CDK14: variants seen among roughly 807,000 people sequenced by gnomAD.
The protein encoded by CDK14 is cyclin dependent kinase 14.
A neutral mutation model predicts 60.7 loss-of-function variants in CDK14; 34 were observed. The ratio of observed to expected loss-of-function variants is 0.56; its 90% CI spans 0.43 to 0.75. The LOEUF is 0.75. CDK14 is among the 30% of genes least tolerant of loss of function. CDK14 has a pLI of 0.00. For synonymous variants in CDK14, 197 were observed against 203.7 expected (o/e 0.97, Z 0.28); for missense variants, 482 against 564.1 (o/e 0.85, Z 1.47).
At chr7:91,098,003 A>G (rs1233959820) in intron 12 of CDK14, among the ~76,000 whole-genome samples, 1 of 151,900 alleles carries the variant, frequency 6.6e-6, no homozygotes, top group East Asian at 1.9e-4. Flanking sequence ...CAGATAGGAA[A>G]CTCCTTGTAG....
At position 90,706,252 on chromosome 7, in the gene CDK14, C is replaced by T. The variant is rs527644456; in HGVS notation, c.124-20315C>T. 3.7e-4 allele frequency among the ~76,000 whole-genome samples: 56 copies of T among 152,310 alleles called. No homozygotes were observed. In the South Asian group the frequency reaches 0.011, roughly 29 times the overall value. On this transcript the variant is annotated intron_variant, in intron 2 of 14. Transcript: ENST00000380050. ...GTATGACATAATGATTAATTTCCTG[C>T]AGCTTTGCGCTCTCCCTGCTCTCTT...
At chr7:90,866,916 G>A (rs569548544) in intron 6 of CDK14, among the ~76,000 whole-genome samples, 27 of 152,216 alleles carry the variant, frequency 1.8e-4, no homozygotes, top group Admixed American at 5.2e-4. Context: ...AAAGTGTTCT[G>A]TAATTTAGAT....
At chr7:90,735,716 G>T (rs559242859) in intron 3 of CDK14, among the ~76,000 whole-genome samples, 1 of 152,150 alleles carries the variant, frequency 6.6e-6, no homozygotes, top group Non-Finnish European at 1.5e-5. Flanking sequence ...ACACTGCTAC[G>T]CTGGCAGCGA....
intron 11 of CDK14, among the ~76,000 whole-genome samples, chr7:91,061,783 G>A (rs1271994821): frequency 1.3e-5 from 2 of 152,150 alleles, no homozygotes; most frequent in Admixed American, 6.6e-5. Context: ...AGGAGTACCC[G>A]GCCTTGTGAG....
chr7:90,742,043 A>G (rs963726347), intron 3 of CDK14, among the ~76,000 whole-genome samples: 27 of 152,170 alleles, frequency 1.8e-4, no homozygotes, highest in African/African-American at 5.1e-4. Context: ...GCAGAAATTA[A>G]TTTTTAAAAT....
intron 11 of CDK14, among the ~76,000 whole-genome samples, chr7:91,049,043 AT>A (rs35843929): frequency 5.3e-4 from 79 of 148,190 alleles, no homozygotes; most frequent in South Asian, 2.2e-3. Context: ...ATGTCTGGCT[AT>A]TTTTTTTTTT....
intron 8 of CDK14, among the ~76,000 whole-genome samples, chr7:90,934,189 C>T (rs138241653): frequency 1.3e-5 from 2 of 152,364 alleles, no homozygotes; most frequent in Non-Finnish European, 2.9e-5. Flanking sequence ...ATGTGTTTCT[C>T]TGGCCTCCTA....
At chr7:90,710,857 A>G (rs1802033576) in intron 2 of CDK14, among the ~76,000 whole-genome samples, 1 of 152,086 alleles carries the variant, frequency 6.6e-6, no homozygotes, top group Non-Finnish European at 1.5e-5. Flanking sequence ...CAGTTGACAT[A>G]TTTGATGTGG....
chr7:90,800,041 G>A (rs1788578737), intron 5 of CDK14, among the ~76,000 whole-genome samples: 1 of 152,040 alleles, frequency 6.6e-6, no homozygotes, highest in South Asian at 2.1e-4. Context: ...GAGGAAAAGG[G>A]GACCTCTCAT....
intron 3 of CDK14, among the ~76,000 whole-genome samples, chr7:90,728,832 G>C (rs1464606568): frequency 6.6e-6 from 1 of 152,064 alleles, no homozygotes; most frequent in African/African-American, 2.4e-5. Context: ...TCAGCATAGG[G>C]ACTCTTGGTG....
chr7:90,710,803 C>T (rs896160236), intron 2 of CDK14, among the ~76,000 whole-genome samples: 1 of 152,022 alleles, frequency 6.6e-6, no homozygotes, highest in South Asian at 2.1e-4. Context: ...TAAACCTTGA[C>T]GTCTTCAGAG....
intron 5 of CDK14, among the ~76,000 whole-genome samples, chr7:90,794,695 A>G (rs1297900405): frequency 6.6e-6 from 1 of 152,120 alleles, no homozygotes; most frequent in African/African-American, 2.4e-5. Context: ...ATATTGTTTA[A>G]ACAATTTGTG....
At chr7:91,065,882 A>T (rs1218419604) in intron 11 of CDK14, among the ~76,000 whole-genome samples, 2 of 152,232 alleles carry the variant, frequency 1.3e-5, no homozygotes, top group Non-Finnish European at 2.9e-5. Flanking sequence ...ACATAAACAA[A>T]TAATTAGGGT....
At chr7:91,055,648 A>T (rs1376903280) in intron 11 of CDK14, among the ~76,000 whole-genome samples, 3 of 152,236 alleles carry the variant, frequency 2.0e-5, no homozygotes, top group Middle Eastern at 3.2e-3. Context: ...ATAGAGGGCC[A>T]ATCACCATAT....
At chr7:90,860,724 C>CTCTACTAA (rs1790981515) in intron 5 of CDK14, among the ~76,000 whole-genome samples, 1 of 151,952 alleles carries the variant, frequency 6.6e-6, no homozygotes, top group East Asian at 1.9e-4. Flanking sequence ...GGGGTTTCAC[C>CTCTACTAA]ATGTTGATCA....
rs183262303 is a variant in CDK14 at position 91,158,337 on chromosome 7, C to T, written c.*28+40129C>T. On this transcript the variant is annotated intron_variant, in intron 14 of 14. Transcript: ENST00000380050. ...AAGCATTCTGCCCACCTCAGCCTGC[C>T]GAGTAGCTAGAACTACAGGCACATG... 4.6e-5 allele frequency among the ~76,000 whole-genome samples: 7 copies of T among 151,992 alleles called. No individual in the cohort carries two copies. The South Asian group carries it at 8.3e-4, about 18-fold the overall frequency.
intron 10 of CDK14, among the ~76,000 whole-genome samples, chr7:90,994,517 G>A (rs1795626015): frequency 6.6e-6 from 1 of 152,178 alleles, no homozygotes; most frequent in African/African-American, 2.4e-5. Context: ...CTGGGACTGT[G>A]TTTTCAAGCT....
At chr7:90,696,238 G>A (rs930313657) in intron 2 of CDK14, among the ~76,000 whole-genome samples, 3 of 152,058 alleles carry the variant, frequency 2.0e-5, no homozygotes, top group Admixed American at 2.0e-4. Flanking sequence ...GTGATGTAAA[G>A]GTAGGCTCAT....
chr7:91,120,641 A>G (rs1799752958), intron 14 of CDK14, among the ~76,000 whole-genome samples: 1 of 151,890 alleles, frequency 6.6e-6, no homozygotes, highest in South Asian at 2.1e-4. Flanking sequence ...GGTTCAAGCA[A>G]TTCTCCTGCC....
Sources: gnomAD v4.1 joint callset for allele counts (sites outside exome capture counted in the v4.1 genomes callset) on GRCh38, gnomAD v4.1.1 for gene constraint, MANE v1.5 for transcripts, NCBI Gene and HGNC (gene_info 2026-07-23, HGNC 2026-07-21) for gene names.